Variants in CAMTA1 observed in about 807,000 individuals in gnomAD.
CAMTA1 encodes calmodulin binding transcription activator 1.
Under a neutral mutation model 170.9 loss-of-function variants are expected in CAMTA1, and 27 were observed. The observed-to-expected ratio is 0.16, with a 90% confidence interval of 0.12 to 0.22. The LOEUF (loss-of-function observed/expected upper bound fraction) is 0.22. CAMTA1 is among the 10% of genes least tolerant of loss of function. The pLI is 1.00. For synonymous variants in CAMTA1, 833 were observed against 891.5 expected (o/e 0.93, Z 1.17); for missense variants, 1,619 against 2,217.2 (o/e 0.73, Z 5.42).
rs977409322 is a variant in CAMTA1 at position 7,146,426 on chromosome 1, G to C, written c.302+55055G>C. On this transcript the variant is annotated intron_variant, in intron 4 of 22. Transcript: ENST00000303635. This position sits in a 1 kb window ranked among gnomAD's most constrained non-coding sequence, Gnocchi z 4.3. ...TCTTTCAATTAAGAAGGGCAGTAAT[G>C]CTTCCCATCAAGAGTCCTGTCGGGG... 5.9e-5 allele frequency among the ~76,000 whole-genome samples: 9 copies of C among 152,222 alleles called. No individual in the cohort carries two copies. Among genetic ancestry groups the C allele is most frequent in the African/African-American group, 2.2e-4 (9 of 41,446 alleles).
At chr1:7,366,466 T>C (rs845268) in intron 5 of CAMTA1, among the ~76,000 whole-genome samples, 95,664 of 152,152 alleles carry the variant, frequency 0.63, 31,886 homozygotes, top group Non-Finnish European at 0.75. Context: ...TGGGTGAGTG[T>C]GCATGTGGCT....
chr1:6,807,446 T>C (rs1011473424), intron 1 of CAMTA1, among the ~76,000 whole-genome samples: 3 of 152,184 alleles, frequency 2.0e-5, no homozygotes, highest in Admixed American at 6.5e-5. Context: ...TTTTGGTTGA[T>C]TGTTTTCATA....
intron 5 of CAMTA1, among the ~76,000 whole-genome samples, chr1:7,363,813 C>T (rs985547596): frequency 2.6e-5 from 4 of 152,110 alleles, no homozygotes; most frequent in African/African-American, 9.7e-5. Flanking sequence ...GGTGTTTCTC[C>T]AATAAGCATT....
chr1:7,334,439 G>A (rs2083224988), intron 5 of CAMTA1, among the ~76,000 whole-genome samples: 1 of 152,204 alleles, frequency 6.6e-6, no homozygotes, highest in Non-Finnish European at 1.5e-5. Context: ...AGTTCTTTTG[G>A]ATGCGGAAAC....
At chr1:7,069,568 C>T (rs983573821) in intron 3 of CAMTA1, among the ~76,000 whole-genome samples, 4 of 152,122 alleles carry the variant, frequency 2.6e-5, no homozygotes, top group African/African-American at 9.7e-5. Context: ...TTTGGGCCAT[C>T]TGGTCCCAGG....
intron 6 of CAMTA1, among the ~76,000 whole-genome samples, chr1:7,557,970 G>A (rs1166634832): frequency 6.6e-6 from 1 of 152,164 alleles, no homozygotes; most frequent in Non-Finnish European, 1.5e-5. Context: ...TCTTTACCTC[G>A]CGGTGTGGTG....
At chr1:7,727,298 A>G (rs1001774731) in intron 11 of CAMTA1, among the ~76,000 whole-genome samples, 1 of 151,860 alleles carries the variant, frequency 6.6e-6, no homozygotes, top group Non-Finnish European at 1.5e-5. Context: ...AATTTTTTGT[A>G]TTTTTAGTAG....
chr1:7,488,623 T>C (rs572099736), intron 6 of CAMTA1, among the ~76,000 whole-genome samples: 6 of 151,984 alleles, frequency 3.9e-5, no homozygotes, highest in Non-Finnish European at 5.9e-5. Flanking sequence ...CACATACACA[T>C]ACAATATACA....
At chr1:7,156,189 G>A (rs775571876) in intron 4 of CAMTA1, among the ~76,000 whole-genome samples, 13 of 151,082 alleles carry the variant, frequency 8.6e-5, no homozygotes, top group African/African-American at 1.2e-4. Context: ...CAGGAGAATC[G>A]CTTGAACCTG....
At chr1:7,489,995 G>A (rs188192161) in intron 6 of CAMTA1, among the ~76,000 whole-genome samples, 112 of 152,308 alleles carry the variant, frequency 7.4e-4, no homozygotes, top group African/African-American at 2.3e-3. Context: ...GTTCCACGCC[G>A]GGATATTGGA....
At chr1:7,720,117 T>C (rs1036691337) in intron 11 of CAMTA1, among the ~76,000 whole-genome samples, 35 of 152,262 alleles carry the variant, frequency 2.3e-4, no homozygotes, top group African/African-American at 7.5e-4. Context: ...TTGCCGATAT[T>C]ATTCATTAGC....
intron 5 of CAMTA1, among the ~76,000 whole-genome samples, chr1:7,275,145 T>TC (rs1670387511): frequency 1.2e-4 from 1 of 8,550 alleles, no homozygotes; most frequent in South Asian, 2.7e-3. Context: ...AGATTCCATC[T>TC]CAAAAAAAAA....
intron 6 of CAMTA1, among the ~76,000 whole-genome samples, chr1:7,496,144 C>T (rs992901991): frequency 3.9e-5 from 6 of 152,226 alleles, no homozygotes; most frequent in Non-Finnish European, 7.3e-5. Flanking sequence ...ATCCTCTCCC[C>T]GGGCTGCCTT....
intron 6 of CAMTA1, among the ~76,000 whole-genome samples, chr1:7,579,552 CT>C (rs3034816): frequency 0.021 from 1,639 of 79,202 alleles, 1 homozygote; most frequent in African/African-American, 0.038. Flanking sequence ...CTTTTCTTTT[CT>C]TTTTTTTTTT....
At chr1:6,792,881 G>C (rs1344070855) in intron 1 of CAMTA1, among the ~76,000 whole-genome samples, 2 of 152,116 alleles carry the variant, frequency 1.3e-5, no homozygotes. Context: ...CTACGGTTTT[G>C]TAGTTTTCAT....
chr1:7,275,796 T>C (rs1465466440), intron 5 of CAMTA1, among the ~76,000 whole-genome samples: 1 of 152,116 alleles, frequency 6.6e-6, no homozygotes, highest in African/African-American at 2.4e-5. Context: ...ACCTCCTTCA[T>C]GGTGAATTTG....
chr1:7,730,147 G>A (rs2096720708), intron 11 of CAMTA1, among the ~76,000 whole-genome samples: 2 of 152,228 alleles, frequency 1.3e-5, no homozygotes, highest in Admixed American at 6.5e-5. Flanking sequence ...TGAGGTAGGT[G>A]TAACTACTGT....
At position 6,899,551 on chromosome 1, in the gene CAMTA1, C is replaced by T. The variant is rs918247570; in HGVS notation, c.234+74341C>T. On this transcript the variant is annotated intron_variant, in intron 3 of 22. Transcript: ENST00000303635. Reference sequence around the variant, plus strand: ...TATATGTGTATAACGCGCACGCGCGCGCGCACACACACACACACACACACA... The same window carrying T: ...TATATGTGTATAACGCGCACGCGCGTGCGCACACACACACACACACACACA... Among the ~76,000 whole-genome samples, 142 of 96,338 alleles carry T rather than the reference C, an allele frequency of 1.5e-3. 1 individual carries two copies. Among genetic ancestry groups the T allele is most frequent in the East Asian group, 2.1e-3 (9 of 4,352 alleles). The allele number at this position is 96,338 out of a possible 152,430, so 63.2% of individuals were successfully genotyped here. A position where few individuals can be genotyped will look rare whatever the true frequency, so the allele number is the denominator to read the frequency against.
At chr1:6,851,491 G>A (rs1198732633) in intron 3 of CAMTA1, among the ~76,000 whole-genome samples, 2 of 152,190 alleles carry the variant, frequency 1.3e-5, no homozygotes, top group Non-Finnish European at 2.9e-5. Flanking sequence ...TATTTGGAGT[G>A]ATGATAGCTG....
Sources: gnomAD v4.1 joint callset for allele counts (sites outside exome capture counted in the v4.1 genomes callset) on GRCh38, gnomAD v4.1.1 for gene constraint, Gnocchi (gnomAD v3.1) non-coding constraint, MANE v1.5 for transcripts, NCBI Gene and HGNC (gene_info 2026-07-23, HGNC 2026-07-21) for gene names.